Variants in MMP10 observed in about 807,000 individuals in gnomAD.
The protein encoded by MMP10 is stromelysin-2.
A neutral mutation model predicts 49.1 loss-of-function variants in MMP10; 50 were observed. That is an observed-to-expected ratio of 1.02 (90% CI 0.81 to 1.29). The LOEUF (loss-of-function observed/expected upper bound fraction) is 1.29, where lower values mean the gene tolerates loss of function less well. Ranked by LOEUF, MMP10 falls within the 50% of genes most tolerant of loss-of-function variation. The pLI is 0.00. For missense variants in MMP10, 613 were observed against 563.8 expected (o/e 1.09, Z -0.88); for synonymous variants, 229 against 201.6 (o/e 1.14, Z -1.15).
intron 4 of MMP10, among the ~76,000 whole-genome samples, chr11:102,777,801 C>A (rs1466388671): frequency 6.6e-6 from 1 of 152,084 alleles, no homozygotes; most frequent in African/African-American, 2.4e-5. Context: ...GCAATCATTT[C>A]ATGCAACACA....
chr11:102,776,567 T>G, intron 5 of MMP10, 45 bp downstream of exon 5: 1 of 1,591,110 alleles, frequency 6.3e-7, no homozygotes, highest in Non-Finnish European at 8.6e-7. Context: ...TCTGGAGGAC[T>G]GTCATTGTAG....
chr11:102,780,564 A>G lies in MMP10; in HGVS notation c.28T>C (p.Leu10=). The change falls in exon 1 of 10, where the codon TTG becomes CTG. Residue 10 remains leucine, a synonymous_variant. Transcript: ENST00000279441. ...TAGGCAGAGCAGACTGGCAGACACA[A>G]CAGCACAAGGAATGCAAGATGCATC... MMHLAFLVL[L]CLPVCSAYPL... 2 of 1,613,924 alleles carry G rather than the reference A, an allele frequency of 1.2e-6. No homozygotes were observed. Among genetic ancestry groups the G allele is most frequent in the Non-Finnish European group, 1.7e-6 (2 of 1,179,922 alleles).
At chr11:102,779,820 T>G in intron 1 of MMP10, 75 bp from the exon 2 acceptor site, 1 of 1,497,028 alleles carries the variant, frequency 6.7e-7, no homozygotes, top group East Asian at 2.3e-5. Context: ...TCCATCGTAA[T>G]TTTCCTCTAG....
chr11:102,772,923 T>C lies in MMP10; in HGVS notation c.1150A>G (p.Ile384Val), dbSNP rs953819732. The change falls in exon 8 of 10, where the codon ATA (isoleucine) becomes GTA (valine). Residue 384 changes from isoleucine to valine, a missense_variant. By Grantham distance (29) the Ile-to-Val change is conservative. Transcript: ENST00000279441. The surrounding 1 kb of genome is among the most constrained non-coding windows in gnomAD (Gnocchi z 4.4). The part of the protein sequence containing the change: ...GIHTLGFPPT[I>V]RKIDAAVSDK... ...GAAACAGCTGCATCAATTTTCCTTATGGTTGGAGGAAAACCCAGGGTATGG... is the reference window on the plus strand; with the variant it reads ...GAAACAGCTGCATCAATTTTCCTTACGGTTGGAGGAAAACCCAGGGTATGG... 1.2e-6 allele frequency: 2 copies of C among 1,613,822 alleles called. No homozygotes were observed. Among genetic ancestry groups the C allele is most frequent in the Non-Finnish European group, 1.7e-6 (2 of 1,179,788 alleles).
rs113672399 is a variant in MMP10, at chr11:102,770,861, A to G, written c.1363T>C (p.Phe455Leu). Residue 455 changes from phenylalanine to leucine, a missense_variant, in exon 10 of 10, where the codon TTT (phenylalanine) becomes CTT (leucine). By Grantham distance (22) the Phe-to-Leu change is conservative. Coordinates refer to ENST00000279441, the MANE Select transcript of MMP10 (RefSeq NM_002425.3). ...FFYFFSGSSQFEFDPNARMVT... is the reference protein window; with the variant it reads ...FFYFFSGSSQLEFDPNARMVT... ...ATCCTGGCATTGGGGTCAAACTCAA[A>G]CTGTGATGATCCACTGAAGAAGTAG... 4.3e-6 allele frequency: 7 copies of G among 1,612,956 alleles called. 1 individual carries two copies. The Admixed American group carries it at 1.2e-4, about 27-fold the overall frequency.
rs774886613 is a variant in MMP10 at position 102,772,163 on chromosome 11, T to C, written c.1227-48A>G. 7.9e-6 allele frequency: 9 copies of C among 1,133,378 alleles called. No homozygotes were observed. The highest frequency in any genetic ancestry group is 2.4e-5 in the East Asian group (1 of 42,478). The allele number at this position is 1,133,378 out of a possible 1,614,324, so 70.2% of individuals were successfully genotyped here. ...AGTTCAATGATGTGCAGTAGTCCCA[T>C]TACACACAATAGTATAATGTGATGT... On this transcript the variant is annotated intron_variant, in intron 8 of 9. Transcript: ENST00000279441. The surrounding 1 kb of genome is among the most constrained non-coding windows in gnomAD (Gnocchi z 4.4).
Position 102,772,922 on chromosome 11 carries a change from A to C in MMP10, c.1151T>G (p.Ile384Arg). The change falls in exon 8 of 10, where the codon ATA becomes AGA. Residue 384 changes from isoleucine to arginine, a missense_variant. Ile to Arg is a moderately conservative substitution (Grantham distance 97, BLOSUM62 -3). Transcript: ENST00000279441. This position sits in a 1 kb window ranked among gnomAD's most constrained non-coding sequence, Gnocchi z 4.4. ...GIHTLGFPPTIRKIDAAVSDK... is the reference protein window; with the variant it reads ...GIHTLGFPPTRRKIDAAVSDK... Reference sequence around the variant, plus strand: ...AGAAACAGCTGCATCAATTTTCCTTATGGTTGGAGGAAAACCCAGGGTATG... The same window carrying C: ...AGAAACAGCTGCATCAATTTTCCTTCTGGTTGGAGGAAAACCCAGGGTATG... 6.2e-7 allele frequency: 1 copy of C among 1,613,668 alleles called. No individual in the cohort carries two copies.
chr11:102,778,395 G>A (rs1857775445), intron 4 of MMP10, among the ~76,000 whole-genome samples: 1 of 152,166 alleles, frequency 6.6e-6, no homozygotes. Context: ...AGATGAGGTT[G>A]AATGGTTTTT....
rs1277071195 is a variant in MMP10, at chr11:102,779,304, T to G, written c.405A>C (p.Lys135Asn). The change falls in exon 3 of 10, where the codon AAA (lysine) becomes AAC (asparagine). Residue 135 changes from lysine to asparagine, a missense_variant. By Grantham distance (94) the Lys-to-Asn change is moderately conservative (BLOSUM62 0). Coordinates refer to ENST00000279441, the MANE Select transcript of MMP10 (RefSeq NM_002425.3). ...PRDAVDSAIEKALKVWEEVTP... is the reference protein window; with the variant it reads ...PRDAVDSAIENALKVWEEVTP... ...TCACCTCTTCCCAGACTTTCAGAGC[T>G]TTCTCAATGGCAGAATCAACAGCAT... 1 of 1,613,988 alleles carries G rather than the reference T, an allele frequency of 6.2e-7. No individual in the cohort carries two copies. The highest frequency in any genetic ancestry group is 1.3e-5 in the African/African-American group (1 of 74,908).
Position 102,775,200 on chromosome 11 carries a change from A to G in MMP10, c.1054T>C (p.Phe352Leu). The change falls in exon 7 of 10, where the codon TTT becomes CTT. Residue 352 changes from phenylalanine to leucine, a missense_variant. Physicochemically the swap from Phe to Leu is conservative, Grantham distance 22. Transcript: ENST00000279441. Reference protein sequence around the residue: ...AYEVNSRDTVFIFKGNEFWAI... With the variant: ...AYEVNSRDTVLIFKGNEFWAI... ...ATATAGTACTCACCTTTAAAAATAA[A>G]AACGGTGTCCCTGCTGTTAACTTCA... The G allele has an allele frequency of 6.3e-7, 1 of 1,592,556 alleles. No individual in the cohort carries two copies.
chr11:102,776,915 CACATTCCAT>C lies in MMP10; in HGVS notation c.623-148_623-140del, dbSNP rs1364618997. The stretch of plus-strand genomic sequence containing the variant: ...ATTTGTGGATTGGTTCATTGATTGG[CACATTCCAT>C]ACTTTATAGAAATTAATGTGTTTTT... On this transcript the variant is annotated intron_variant, in intron 4 of 9. Transcript: ENST00000279441. The C allele has an allele frequency of 3.1e-6, 3 of 966,888 alleles. No individual in the cohort carries two copies. In the Admixed American group the frequency reaches 8.0e-5, roughly 26 times the overall value. The allele number at this position is 966,888 out of a possible 1,614,324, so 59.9% of individuals were successfully genotyped here. A position where few individuals can be genotyped will look rare whatever the true frequency, so the allele number is the denominator to read the frequency against.
intron 4 of MMP10, among the ~76,000 whole-genome samples, 154 bp downstream of exon 4, chr11:102,778,470 G>A (rs1465330118): frequency 6.6e-6 from 1 of 152,114 alleles, no homozygotes; most frequent in Non-Finnish European, 1.5e-5. Flanking sequence ...CTTCAATAAT[G>A]ATTGAAACAA....
At chr11:102,771,812 A>AACACACACACACACAC (rs61090976) in intron 9 of MMP10, among the ~76,000 whole-genome samples, 200 bp downstream of exon 9, 1 of 150,190 alleles carries the variant, frequency 6.7e-6, no homozygotes, top group African/African-American at 2.5e-5. Flanking sequence ...TATTCAGGAA[A>AACACACACACACACAC]ACACACACAC....
chr11:102,779,697 T>C lies in MMP10; in HGVS notation c.154A>G (p.Arg52Gly). 2 of 1,614,062 alleles carry C rather than the reference T, an allele frequency of 1.2e-6. No homozygotes were observed. Among genetic ancestry groups the C allele is most frequent in the East Asian group, 2.2e-5 (1 of 44,886 alleles). Reference protein sequence around the residue: ...YNLEKDVKQFRRKDSNLIVKK... With the variant: ...YNLEKDVKQFGRKDSNLIVKK... Reference sequence around the variant, plus strand: ...ACAATGAGATTACTGTCCTTTCTTCTAAACTGTTTCACATCCTTTTCGAGG... The same window carrying C: ...ACAATGAGATTACTGTCCTTTCTTCCAAACTGTTTCACATCCTTTTCGAGG... Residue 52 changes from arginine to glycine, a missense_variant, in exon 2 of 10, where the codon AGA becomes GGA. By Grantham distance (125) the Arg-to-Gly change is moderately radical (BLOSUM62 -2). Transcript: ENST00000279441.
chr11:102,774,858 C>T (rs1284755846), intron 7 of MMP10, among the ~76,000 whole-genome samples: 1 of 152,150 alleles, frequency 6.6e-6, no homozygotes, highest in Non-Finnish European at 1.5e-5. Context: ...CTATTCTTGG[C>T]CTTTCCTCTG....
chr11:102,780,288 G>A (rs532068648), intron 1 of MMP10, among the ~76,000 whole-genome samples, 199 bp downstream of exon 1: 1 of 152,290 alleles, frequency 6.6e-6, no homozygotes, highest in Non-Finnish European at 1.5e-5. Context: ...ACCTTGAGCA[G>A]TTATATTCCC....
At chr11:102,776,797 T>G in intron 4 of MMP10, 21 bp from the exon 5 acceptor site, 1 of 1,613,676 alleles carries the variant, frequency 6.2e-7, no homozygotes. Context: ...ATCATAAATG[T>G]TCAGAATTCA....
intron 7 of MMP10, 95 bp downstream of exon 7, chr11:102,775,093 A>C (rs1194597479): frequency 6.5e-6 from 6 of 922,680 alleles, no homozygotes; most frequent in Non-Finnish European, 8.9e-6. Context: ...GTCTTTCAGT[A>C]ATCTAAACTT....
At position 102,778,506 on chromosome 11, in the gene MMP10, T is replaced by C. The variant is rs1857776790; in HGVS notation, c.622+118A>G. 3.2e-6 allele frequency: 4 copies of C among 1,267,658 alleles called. No individual in the cohort carries two copies. In the South Asian group the frequency reaches 4.5e-5, roughly 14 times the overall value. 78.5% of individuals were successfully genotyped at this position (1,267,658 alleles called of 1,614,324 possible). ...ACAGTACTTCTGTTTAAAACTCAGG[T>C]AATAAAAAAATTCAGTTACTAGTAT... On this transcript the variant is annotated intron_variant, in intron 4 of 9. Coordinates refer to ENST00000279441, the MANE Select transcript of MMP10 (RefSeq NM_002425.3).
Sources: allele counts gnomAD v4.1 joint callset (sites outside exome capture counted in the v4.1 genomes callset), GRCh38; gene constraint gnomAD v4.1.1; non-coding constraint Gnocchi (gnomAD v3.1); transcripts MANE v1.5; gene names NCBI Gene and HGNC (gene_info 2026-07-23, HGNC 2026-07-21).